Variants in UGGT1 observed in about 807,000 individuals in gnomAD.
UGGT1 encodes the protein UDP-glucose glycoprotein glucosyltransferase 1.
In UGGT1, 107 loss-of-function variants were observed where a neutral mutation model predicts 203.9. The ratio of observed to expected loss-of-function variants is 0.52; its 90% confidence interval spans 0.45 to 0.62. The LOEUF (loss-of-function observed/expected upper bound fraction) is 0.62, where lower values mean the gene tolerates loss of function less well. UGGT1 is among the 20% of genes least tolerant of loss of function. UGGT1 has a pLI of 0.00. For missense variants in UGGT1, 1,673 were observed against 1,867.2 expected (o/e 0.90, Z 1.92); for synonymous variants, 628 against 653.5 (o/e 0.96, Z 0.59).
intron 5 of UGGT1, among the ~76,000 whole-genome samples, chr2:128,111,487 A>G (rs892995068): frequency 6.6e-6 from 1 of 152,114 alleles, no homozygotes; most frequent in Non-Finnish European, 1.5e-5. Flanking sequence ...ATTTATACTT[A>G]TATTTTTATT....
At chr2:128,186,846 T>G (rs113709658) in intron 39 of UGGT1, 47 bp downstream of exon 39, 22 of 1,347,776 alleles carry the variant, frequency 1.6e-5, no homozygotes, top group African/African-American at 1.3e-4. Context: ...ACTGGATGTG[T>G]GAGTGAATCA....
At chr2:128,151,987 T>G (rs1363880356) in intron 18 of UGGT1, among the ~76,000 whole-genome samples, 1 of 152,236 alleles carries the variant, frequency 6.6e-6, no homozygotes, top group East Asian at 1.9e-4. Context: ...GAGATCACCT[T>G]CAAGAAGTAT....
intron 34 of UGGT1, 90 bp downstream of exon 34, chr2:128,178,659 A>G (rs1231165355): frequency 5.4e-6 from 6 of 1,105,942 alleles, no homozygotes; most frequent in Non-Finnish European, 7.8e-6. Flanking sequence ...GATTCTGCTC[A>G]TTATACTCCT....
chr2:128,091,709 A>T, intron 1 of UGGT1: 1 of 766,956 alleles, frequency 1.3e-6, no homozygotes, highest in South Asian at 2.7e-5. Flanking sequence ...GTATCCTACC[A>T]TGGATTTAGA....
chr2:128,148,098 A>G (rs1051665844), intron 18 of UGGT1, among the ~76,000 whole-genome samples: 8 of 151,892 alleles, frequency 5.3e-5, no homozygotes, highest in African/African-American at 1.7e-4. Context: ...GTTTCGCTCT[A>G]TTGCCCAGGC....
chr2:128,151,493 A>G (rs767005744), intron 18 of UGGT1, among the ~76,000 whole-genome samples: 2 of 152,228 alleles, frequency 1.3e-5, no homozygotes, highest in South Asian at 2.1e-4. Context: ...TGAGCCATCT[A>G]ATATCTTTGT....
rs1393593815 is a variant in UGGT1 at position 128,168,385 on chromosome 2, A to G, written c.2922-1903A>G. ...CCTACCTCAACACAGATACAAAGCT[A>G]TTCTCATGGTTATTTCCAAAGCAGT... On this transcript the variant is annotated intron_variant, in intron 26 of 40. Coordinates refer to ENST00000259253, the MANE Select transcript of UGGT1 (RefSeq NM_020120.4). Among the ~76,000 whole-genome samples the G allele has an allele frequency of 3.3e-5, 5 of 152,232 alleles. No individual in the cohort carries two copies. The South Asian group carries it at 6.2e-4, about 19-fold the overall frequency.
intron 18 of UGGT1, among the ~76,000 whole-genome samples, chr2:128,149,978 A>C (rs182784648): frequency 9.7e-4 from 147 of 152,296 alleles, no homozygotes; most frequent in Non-Finnish European, 1.0e-4. Flanking sequence ...ATATATAAGT[A>C]AAATAAAATA....
chr2:128,161,847 A>G (rs907104640), intron 25 of UGGT1, among the ~76,000 whole-genome samples: 3 of 152,234 alleles, frequency 2.0e-5, no homozygotes, highest in African/African-American at 7.2e-5. Flanking sequence ...CCATTGTTAC[A>G]TATATGTAGT....
chr2:128,143,989 G>A (rs4297826), intron 17 of UGGT1, among the ~76,000 whole-genome samples: 88,725 of 152,008 alleles, frequency 0.58, 26,128 homozygotes, highest in East Asian at 0.66. Context: ...GATATCTTCT[G>A]TGTCTGAAAG....
chr2:128,189,218 C>T (rs139508248), intron 40 of UGGT1, among the ~76,000 whole-genome samples: 266 of 152,156 alleles, frequency 1.7e-3, no homozygotes, highest in African/African-American at 6.2e-3. Context: ...ATTAGAAGCC[C>T]GTAAGGCGTT....
chr2:128,151,897 G>T (rs1689990033), intron 18 of UGGT1, among the ~76,000 whole-genome samples: 1 of 152,102 alleles, frequency 6.6e-6, no homozygotes, highest in Non-Finnish European at 1.5e-5. Flanking sequence ...AAAAGAAAAT[G>T]ACTTTAAAGT....
At chr2:128,113,624 G>A (rs908466403) in intron 6 of UGGT1, among the ~76,000 whole-genome samples, 1 of 151,966 alleles carries the variant, frequency 6.6e-6, no homozygotes, top group African/African-American at 2.4e-5. Flanking sequence ...TTATTTGGTG[G>A]AAGGGGGAGG....
At position 128,187,519 on chromosome 2, in the gene UGGT1, A is replaced by G. The variant is rs1291058324; in HGVS notation, c.4547A>G (p.Tyr1516Cys). ...CGGATTGTCCCGGAGTGGCAGGACT[A>G]CGACCAAGAGATCAAACAGCTACAG... ...AVRIVPEWQD[Y>C]DQEIKQLQIR... Residue 1516 changes from tyrosine (Y) to cysteine (C), a missense_variant, in exon 40 of 41, where the codon TAC becomes TGC. Around this residue, in one of 4 missense-constraint regions of UGGT1, gnomAD observed 513 missense variants for 684.1 expected, o/e 0.75. Transcript: ENST00000259253. 2 of 1,614,200 alleles carry G rather than the reference A, an allele frequency of 1.2e-6. No homozygotes were observed. Among genetic ancestry groups the G allele is most frequent in the South Asian group, 1.1e-5 (1 of 91,084 alleles).
At chr2:128,098,059 G>T (rs1216818135) in intron 2 of UGGT1, among the ~76,000 whole-genome samples, 2 of 151,956 alleles carry the variant, frequency 1.3e-5, no homozygotes, top group Non-Finnish European at 2.9e-5. Context: ...AAGGGGTTTC[G>T]CCATGTTGGC....
chr2:128,104,143 G>C, intron 3 of UGGT1, 129 bp downstream of exon 3: 1 of 647,864 alleles, frequency 1.5e-6, no homozygotes, highest in South Asian at 2.9e-5. Flanking sequence ...CTGGAGTTAT[G>C]ATGGTGGTCA....
intron 19 of UGGT1, among the ~76,000 whole-genome samples, chr2:128,154,966 C>G (rs1390076706): frequency 6.6e-6 from 1 of 152,102 alleles, no homozygotes. Flanking sequence ...GAGGATTGCC[C>G]TTTGACACTA....
chr2:128,166,093 A>C (rs1690776832), intron 26 of UGGT1, among the ~76,000 whole-genome samples: 2 of 152,156 alleles, frequency 1.3e-5, no homozygotes, highest in South Asian at 4.1e-4. Flanking sequence ...TTTGTTCTTC[A>C]CTTTTTTGTT....
At chr2:128,124,656 A>T (rs944649189) in intron 11 of UGGT1, among the ~76,000 whole-genome samples, 2 of 149,066 alleles carry the variant, frequency 1.3e-5, no homozygotes, top group Admixed American at 6.9e-5. Flanking sequence ...GCCTTTTAAA[A>T]GTCTCTTCTT....
Sources: gnomAD v4.1 joint callset for allele counts (sites outside exome capture counted in the v4.1 genomes callset) on GRCh38, gnomAD v4.1.1 for gene constraint, gnomAD v4.1.1 regional missense constraint, MANE v1.5 for transcripts, NCBI Gene and HGNC (gene_info 2026-07-23, HGNC 2026-07-21) for gene names.